Variants in MYO9B observed in about 807,000 individuals in gnomAD.
MYO9B encodes myosin IXB, also known as unconventional myosin-IXb.
In MYO9B, 71 loss-of-function variants were observed where a neutral mutation model predicts 229.5. The ratio of observed to expected loss-of-function variants is 0.31; its 90% CI spans 0.26 to 0.38. The LOEUF (loss-of-function observed/expected upper bound fraction) is 0.38, where lower values mean the gene tolerates loss of function less well. Ranked by LOEUF, MYO9B falls within the 10% of genes least tolerant of loss-of-function variation. The pLI, the probability that MYO9B is intolerant of heterozygous loss-of-function variation, is 1.00. For missense variants in MYO9B, 2,255 were observed against 2,920.5 expected, an observed-to-expected ratio of 0.77 and a Z score of 5.25; for synonymous variants, 1,185 against 1,235.8, an observed-to-expected ratio of 0.96 and a Z score of 0.86.
At position 17,162,383 on chromosome 19, in the gene MYO9B, C is replaced by G. The variant is rs753661991; in HGVS notation, c.1453C>G (p.Leu485Val). ...TGCCCGCGACTCCATGGCCAAGTCT[C>G]TGTACAGCGCCCTGTTCGACTGGAT... ...ITARDSMAKS[L>V]YSALFDWIVL... Residue 485 changes from leucine to valine, a missense_variant, in exon 9 of 40, where the codon CTG becomes GTG. Coordinates refer to ENST00000682292, the MANE Select transcript of MYO9B (RefSeq NM_004145.4). 6.3e-7 allele frequency: 1 copy of G among 1,587,372 alleles called. No individual in the cohort carries two copies. Among genetic ancestry groups the G allele is most frequent in the Non-Finnish European group, 8.6e-7 (1 of 1,168,018 alleles).
intron 16 of MYO9B, among the ~76,000 whole-genome samples, chr19:17,184,239 G>A (rs977152355): frequency 3.4e-4 from 52 of 152,326 alleles, no homozygotes; most frequent in African/African-American, 1.0e-3. Context: ...CTGCCCCAAC[G>A]TAATGGGACC....
intron 2 of MYO9B, among the ~76,000 whole-genome samples, chr19:17,116,487 G>A (rs148000937): frequency 6.6e-6 from 1 of 152,310 alleles, no homozygotes; most frequent in East Asian, 1.9e-4. Context: ...TTAAGGGAGA[G>A]TGAATTATGG....
chr19:17,100,884 C>G (rs1476281283), intron 1 of MYO9B, among the ~76,000 whole-genome samples: 1 of 151,898 alleles, frequency 6.6e-6, no homozygotes, highest in African/African-American at 2.4e-5. Flanking sequence ...TCCCAAATTT[C>G]AGGACAGGTT....
At position 17,160,951 on chromosome 19, in the gene MYO9B, G is replaced by A. The variant is rs1360231648; in HGVS notation, c.1420-1399G>A. Among the ~76,000 whole-genome samples, 10 of 151,526 alleles carry A rather than the reference G, an allele frequency of 6.6e-5. No homozygotes were observed. In the South Asian group the frequency reaches 1.2e-3, roughly 19 times the overall value. ...TGACCTCAGGTGATCCACCCGCCTC[G>A]GCCTCCCAAAATGCTGGGATTACAG... On this transcript the variant is annotated intron_variant, in intron 8 of 39. Transcript: ENST00000682292.
At chr19:17,157,436 A>G (rs549203473) in intron 7 of MYO9B, 91 of 174,800 alleles carry the variant, frequency 5.2e-4, no homozygotes, top group Middle Eastern at 2.7e-3. Flanking sequence ...GTACATGCCT[A>G]TAGTCCAAGC....
At chr19:17,111,007 G>T (rs552114378) in intron 2 of MYO9B, among the ~76,000 whole-genome samples, 1 of 152,132 alleles carries the variant, frequency 6.6e-6, no homozygotes, top group African/African-American at 2.4e-5. Context: ...CACTAGCTCT[G>T]TTCCCCCACC....
chr19:17,179,263 T>C (rs1468916246), intron 14 of MYO9B, among the ~76,000 whole-genome samples: 2 of 152,008 alleles, frequency 1.3e-5, no homozygotes, highest in African/African-American at 2.4e-5. Flanking sequence ...AACTGCTGTG[T>C]TCAAACTGTG....
intron 2 of MYO9B, among the ~76,000 whole-genome samples, chr19:17,134,867 G>A (rs944512281): frequency 6.6e-6 from 1 of 152,070 alleles, no homozygotes; most frequent in Non-Finnish European, 1.5e-5. Context: ...GGGTTCAGAC[G>A]ATTCTCCTGC....
At chr19:17,158,801 C>T (rs1222969878) in intron 7 of MYO9B, among the ~76,000 whole-genome samples, 1 of 152,216 alleles carries the variant, frequency 6.6e-6, no homozygotes, top group Non-Finnish European at 1.5e-5. Flanking sequence ...GTGGCTCGCA[C>T]TCACATAAGG....
In MYO9B at chr19:17,206,293, C is replaced by T; in HGVS notation, c.5303C>T (p.Thr1768Ile). The T allele has an allele frequency of 6.2e-7, 1 of 1,605,284 alleles. No homozygotes were observed. Among genetic ancestry groups the T allele is most frequent in the Non-Finnish European group, 8.5e-7 (1 of 1,177,174 alleles). Residue 1768 changes from threonine to isoleucine, a missense_variant, in exon 33 of 40, where the codon ACA (threonine) becomes ATA (isoleucine). Around this residue, in one of 7 missense-constraint regions of MYO9B, gnomAD observed 416 missense variants for 605.5 expected, o/e 0.69. Transcript: ENST00000682292. ...KLENFPIHAI[T>I]GVLKQWLREL... is the part of the protein sequence containing the mutation. ...GAGAACTTCCCCATCCACGCCATCA[C>T]AGGGGTGCTGAAGCAGTGGCTGCGG...
At position 17,202,878 on chromosome 19, in the gene MYO9B, C is replaced by T. The variant is rs1162592954; in HGVS notation, c.4873C>T (p.Arg1625Cys). The change falls in exon 29 of 40, where the codon CGT becomes TGT. Residue 1625 changes from arginine (R) to cysteine (C), a missense_variant. By Grantham distance (180) the Arg-to-Cys change is radical (BLOSUM62 -3). Coordinates refer to ENST00000682292, the MANE Select transcript of MYO9B (RefSeq NM_004145.4). ...KAQKKKRKQE[R>C]AVQEHNGHVF... ...TCAGAAGAAGAAGCGGAAGCAGGAG[C>T]GTGCTGTGAGTAGGCTGCACATAGA... 6 of 1,601,630 alleles carry T rather than the reference C, an allele frequency of 3.7e-6. No individual in the cohort carries two copies. Among genetic ancestry groups the T allele is most frequent in the Non-Finnish European group, 5.1e-6 (6 of 1,174,246 alleles).
chr19:17,206,837 G>A (rs751331626), intron 34 of MYO9B, 53 bp downstream of exon 34: 28 of 1,438,524 alleles, frequency 1.9e-5, no homozygotes, highest in South Asian at 2.4e-5. Flanking sequence ...TTGGGAACCC[G>A]CGAGGCAGCA....
intron 3 of MYO9B, among the ~76,000 whole-genome samples, chr19:17,150,823 C>T (rs2072468905): frequency 7.1e-6 from 1 of 141,444 alleles, no homozygotes; most frequent in Non-Finnish European, 1.6e-5. Flanking sequence ...AAAACATTCA[C>T]TGCCACTACT....
At chr19:17,103,263 C>T (rs11666569) in intron 2 of MYO9B, 50,863 of 151,880 alleles carry the variant, frequency 0.33, 8,928 homozygotes, top group South Asian at 0.47. Flanking sequence ...TCAGGTACTG[C>T]GAAGCCAACT....
chr19:17,211,016 G>A (rs560860912), intron 38 of MYO9B, among the ~76,000 whole-genome samples, 168 bp downstream of exon 38: 7 of 122,352 alleles, frequency 5.7e-5, no homozygotes, highest in Admixed American at 3.5e-4. Flanking sequence ...ACGGCGTCTC[G>A]CTCTGTCGCC....
At chr19:17,103,066 A>G (rs1181544510) in intron 2 of MYO9B, among the ~76,000 whole-genome samples, 1 of 151,694 alleles carries the variant, frequency 6.6e-6, no homozygotes, top group Non-Finnish European at 1.5e-5. Flanking sequence ...AAAAAAAAAA[A>G]AAAAGATTAC....
chr19:17,152,909 A>G (rs2145271191), intron 4 of MYO9B: 1 of 574,850 alleles, frequency 1.7e-6, no homozygotes, highest in African/African-American at 1.9e-5. Context: ...CATACCTCCC[A>G]AGCCACCTTT....
Position 17,210,472 on chromosome 19 carries a change from C to T in MYO9B, c.5796+92C>T, listed in dbSNP as rs2279000. 7,641 of 1,422,558 alleles carry T rather than the reference C, an allele frequency of 5.4e-3. 541 individuals are homozygous for T. The East Asian group carries it at 0.16, about 29-fold the overall frequency. 88.1% of individuals were successfully genotyped at this position (1,422,558 alleles called of 1,614,324 possible). A position where few individuals can be genotyped will look rare whatever the true frequency, so the allele number is the denominator to read the frequency against. ...GGCCCTGGGCCCCTCGTAGGATAGA[C>T]AGAGCCTGTCCTAACCTTCCGGAAG... On this transcript the variant is annotated intron_variant, in intron 37 of 39. Transcript: ENST00000682292.
rs1489589446 is a variant in MYO9B at position 17,168,008 on chromosome 19, C to G, written c.1737C>G (p.Ile579Met). 1 of 1,610,432 alleles carries G rather than the reference C, an allele frequency of 6.2e-7. No homozygotes were observed. The highest frequency in any genetic ancestry group is 1.3e-5 in the African/African-American group (1 of 74,954). ...NIGYTDNVGC[I>M]HLISKKPTGL... ...GCTACACAGACAATGTCGGCTGCAT[C>G]CATCTCATCAGCAAGAAACCCACGG... The change falls in exon 11 of 40, where the codon ATC becomes ATG. Residue 579 changes from isoleucine (I) to methionine (M), a missense_variant. Physicochemically the swap from Ile to Met is conservative, Grantham distance 10 (BLOSUM62 1). Around this residue, in one of 7 missense-constraint regions of MYO9B, gnomAD observed 220 missense variants for 404.5 expected, o/e 0.54. Coordinates refer to ENST00000682292, the MANE Select transcript of MYO9B (RefSeq NM_004145.4).
Sources: gnomAD v4.1 joint callset for allele counts (sites outside exome capture counted in the v4.1 genomes callset) on GRCh38, gnomAD v4.1.1 for gene constraint, gnomAD v4.1.1 regional missense constraint, MANE v1.5 for transcripts, NCBI Gene and HGNC (gene_info 2026-07-23, HGNC 2026-07-21) for gene names.